AMD1: variants seen among roughly 807,000 people sequenced by gnomAD.
AMD1 encodes the protein adenosylmethionine decarboxylase 1.
A neutral mutation model predicts 40.2 loss-of-function variants in AMD1; 11 were observed. That is an observed-to-expected ratio of 0.27 (90% confidence interval 0.17 to 0.45). The LOEUF (loss-of-function observed/expected upper bound fraction) is 0.45. AMD1 is among the 20% of genes least tolerant of loss of function. The probability of loss-of-function intolerance (pLI) is 1.00; values close to 1 mark genes in which losing one functional copy is unlikely to be tolerated. For missense variants in AMD1, 257 were observed against 410.2 expected, an observed-to-expected ratio of 0.63 and a Z score of 3.23; for synonymous variants, 121 against 130.8, an observed-to-expected ratio of 0.93 and a Z score of 0.51.
At chr6:110,858,591 C>T in the AMD1 span, 12 of 1,587,236 alleles carry the variant, frequency 7.6e-6, no homozygotes, top group African/African-American at 1.3e-5. Context: ...GGGAACATGA[C>T]GCAGCTGCAG....
intron 4 of AMD1, chr6:110,891,203 C>G (rs1785997872): frequency 4.6e-5 from 7 of 152,110 alleles, no homozygotes; most frequent in Admixed American, 4.6e-4. Context: ...TTCAAGCACC[C>G]AGCTAATTTT....
chr6:110,861,811 C>T, the AMD1 span, among the ~76,000 whole-genome samples: 3 of 151,972 alleles, frequency 2.0e-5, no homozygotes, highest in Non-Finnish European at 4.4e-5. Context: ...CACTGCACTC[C>T]AGCCACTTGC....
At chr6:110,822,799 T>C in the AMD1 span, among the ~76,000 whole-genome samples, 17 of 152,196 alleles carry the variant, frequency 1.1e-4, no homozygotes, top group East Asian at 2.7e-3. Flanking sequence ...ATAGATGTGA[T>C]TCACCACAGA....
chr6:110,879,775 C>G (rs997301818), intron 1 of AMD1, among the ~76,000 whole-genome samples: 6 of 152,148 alleles, frequency 3.9e-5, no homozygotes, highest in African/African-American at 1.4e-4. Flanking sequence ...AACTCTGAAA[C>G]CAGCTGGTTT....
Position 110,874,864 on chromosome 6 carries a change from T to G in AMD1, c.-242T>G. ...GGGAAAGCAGCGGAATACAAGAGAC[T>G]GAACTGTATCTGCCTCTATTTCCAA... On this transcript the variant is annotated 5_prime_UTR_variant, in exon 1 of 9. Coordinates refer to ENST00000368885, the MANE Select transcript of AMD1 (RefSeq NM_001634.6). 1 of 492,846 alleles carries G rather than the reference T, an allele frequency of 2.0e-6. No individual in the cohort carries two copies. Among genetic ancestry groups the G allele is most frequent in the Non-Finnish European group, 3.6e-6 (1 of 275,262 alleles). The allele number at this position is 492,846 out of a possible 1,614,324, so 30.5% of individuals were successfully genotyped here. A position where few individuals can be genotyped will look rare whatever the true frequency, so the allele number is the denominator to read the frequency against.
At chr6:110,882,744 A>T (rs962336025) in intron 1 of AMD1, among the ~76,000 whole-genome samples, 1 of 152,196 alleles carries the variant, frequency 6.6e-6, no homozygotes, top group South Asian at 2.1e-4. Context: ...TATGATTGAA[A>T]AATTCTGATT....
At chr6:110,880,766 G>C (rs1432298051) in intron 1 of AMD1, among the ~76,000 whole-genome samples, 3 of 151,352 alleles carry the variant, frequency 2.0e-5, no homozygotes, top group Non-Finnish European at 4.4e-5. Flanking sequence ...TCCGCCTCCT[G>C]GGTTCAAGTG....
intron 1 of AMD1, among the ~76,000 whole-genome samples, chr6:110,887,086 G>A (rs970599348): frequency 6.6e-6 from 1 of 152,044 alleles, no homozygotes. Flanking sequence ...CCGACAGACA[G>A]GCTTTTAAAT....
At chr6:110,846,334 A>T in the AMD1 span, among the ~76,000 whole-genome samples, 8 of 152,228 alleles carry the variant, frequency 5.3e-5, no homozygotes, top group African/African-American at 1.7e-4. Flanking sequence ...AACATTAATG[A>T]GGAAGACAAA....
the AMD1 span, chr6:110,864,264 G>A: frequency 6.5e-6 from 1 of 152,718 alleles, no homozygotes; most frequent in Non-Finnish European, 1.5e-5. Flanking sequence ...CTAATTTTAA[G>A]AAGATAAACA....
the AMD1 span, among the ~76,000 whole-genome samples, chr6:110,839,390 A>T: frequency 1.3e-5 from 2 of 152,174 alleles, no homozygotes; most frequent in African/African-American, 4.8e-5. Context: ...CCACAATAAC[A>T]CACGTTTCTG....
At chr6:110,814,703 C>G in the AMD1 span, 1 of 583,228 alleles carries the variant, frequency 1.7e-6, no homozygotes, top group Non-Finnish European at 3.2e-6. Context: ...CCCACAAACT[C>G]CTCCTCCACC....
chr6:110,885,036 G>A (rs185980566), intron 1 of AMD1, among the ~76,000 whole-genome samples: 1 of 152,284 alleles, frequency 6.6e-6, no homozygotes, highest in East Asian at 1.9e-4. Context: ...TCAGGAATGG[G>A]AGTCTTAATA....
intron 1 of AMD1, among the ~76,000 whole-genome samples, chr6:110,886,054 A>T (rs2115297580): frequency 6.6e-6 from 1 of 152,188 alleles, no homozygotes. Context: ...CAGTAGTATG[A>T]GACCAGCCTG....
the AMD1 span, among the ~76,000 whole-genome samples, chr6:110,837,462 G>A: frequency 6.6e-6 from 1 of 151,574 alleles, no homozygotes; most frequent in Non-Finnish European, 1.5e-5. Flanking sequence ...TGTAATCCCA[G>A]TACTTTGGGA....
At chr6:110,845,589 T>C in the AMD1 span, among the ~76,000 whole-genome samples, 19 of 152,122 alleles carry the variant, frequency 1.2e-4, no homozygotes, top group African/African-American at 4.3e-4. Context: ...CATACTGAGT[T>C]TAATACCCTG....
chr6:110,825,158 TA>T, the AMD1 span, among the ~76,000 whole-genome samples: 1 of 152,240 alleles, frequency 6.6e-6, no homozygotes, highest in Non-Finnish European at 1.5e-5. Flanking sequence ...GTTTCATTGA[TA>T]AATTAGGAAC....
In AMD1 at chr6:110,878,901, C is replaced by G. The variant is rs139428653; in HGVS notation, c.110+3686C>G. On this transcript the variant is annotated intron_variant, in intron 1 of 8. Transcript: ENST00000368885. Reference sequence around the variant, plus strand: ...ACCTCAGCTTAACTTTCCCCAAACTCATGACTTATTTGACTACATCATTAT... The same window carrying G: ...ACCTCAGCTTAACTTTCCCCAAACTGATGACTTATTTGACTACATCATTAT... Among the ~76,000 whole-genome samples the G allele has an allele frequency of 2.7e-4, 41 of 152,284 alleles. No homozygotes were observed. In the East Asian group the frequency reaches 7.7e-3, roughly 29 times the overall value.
intron 1 of AMD1, among the ~76,000 whole-genome samples, chr6:110,886,844 A>G (rs1434284648): frequency 1.3e-5 from 2 of 152,234 alleles, no homozygotes; most frequent in East Asian, 3.8e-4. Flanking sequence ...CACACTAATG[A>G]AAGAATGAAC....
Sources: allele counts gnomAD v4.1 joint callset (sites outside exome capture counted in the v4.1 genomes callset), GRCh38; gene constraint gnomAD v4.1.1; transcripts MANE v1.5; gene names NCBI Gene and HGNC (gene_info 2026-07-23, HGNC 2026-07-21).